Variants in CRYBG1 observed in about 807,000 individuals in gnomAD.
CRYBG1 encodes crystallin beta-gamma domain containing 1.
CRYBG1 carries 139 observed loss-of-function variants against 189.2 expected under a neutral mutation model. The observed-to-expected ratio is 0.73, with a 90% CI of 0.64 to 0.85. The LOEUF (loss-of-function observed/expected upper bound fraction) is 0.85. CRYBG1 is among the 40% of genes least tolerant of loss of function. The pLI is 0.00. For missense variants in CRYBG1, 2,611 were observed against 2,675.8 expected (o/e 0.98, Z 0.53); for synonymous variants, 1,023 against 1,017.1 (o/e 1.01, Z -0.11).
intron 10 of CRYBG1, 111 bp from the exon 11 acceptor site, chr6:106,543,329 C>A: frequency 8.7e-7 from 1 of 1,154,960 alleles, no homozygotes; most frequent in Non-Finnish European, 1.2e-6. Flanking sequence ...CGCGCCCAGT[C>A]AGAAAATTTT....
chr6:106,480,592 G>A (rs1287556247), intron 2 of CRYBG1, among the ~76,000 whole-genome samples: 2 of 151,864 alleles, frequency 1.3e-5, no homozygotes, highest in African/African-American at 2.4e-5. Context: ...ACTTGAACCC[G>A]GGAGGCGGAG....
chr6:106,388,166 C>T (rs1249231736), intron 1 of CRYBG1, among the ~76,000 whole-genome samples: 1 of 152,176 alleles, frequency 6.6e-6, no homozygotes, highest in Non-Finnish European at 1.5e-5. Flanking sequence ...GCTCCTGCTG[C>T]CACAATAGTA....
intron 2 of CRYBG1, among the ~76,000 whole-genome samples, chr6:106,511,040 GT>G (rs989121445): frequency 1.3e-5 from 2 of 152,172 alleles, no homozygotes; most frequent in African/African-American, 2.4e-5. Flanking sequence ...ACTTTAGTGT[GT>G]TTACTGCTGC....
intron 4 of CRYBG1, among the ~76,000 whole-genome samples, chr6:106,522,113 AGAT>A (rs1188107079): frequency 6.6e-6 from 1 of 152,220 alleles, no homozygotes; most frequent in East Asian, 1.9e-4. Flanking sequence ...GTTCAGAGAC[AGAT>A]GAGTTGCTTT....
At chr6:106,413,380 A>G (rs760013995) in intron 1 of CRYBG1, among the ~76,000 whole-genome samples, 1 of 152,096 alleles carries the variant, frequency 6.6e-6, no homozygotes, top group Non-Finnish European at 1.5e-5. Flanking sequence ...TGGGACAACA[A>G]AAGTGACAGA....
At chr6:106,510,443 C>T (rs2114520983) in intron 2 of CRYBG1, among the ~76,000 whole-genome samples, 1 of 152,354 alleles carries the variant, frequency 6.6e-6, no homozygotes, top group Non-Finnish European at 1.5e-5. Flanking sequence ...GCACTGGATG[C>T]TAGCCGTTTT....
At chr6:106,527,218 A>ATATT (rs1773759919) in intron 6 of CRYBG1, 87 bp from the exon 7 acceptor site, 1 of 1,112,048 alleles carries the variant, frequency 9.0e-7, no homozygotes, top group African/African-American at 1.6e-5. Context: ...ATATATATAT[A>ATATT]TAAAATGGCA....
Position 106,512,805 on chromosome 6 carries a change from C to T in CRYBG1, c.1688C>T (p.Ala563Val). ...ACTGCGGCCGAGAGCGGGGAGGAGG[C>T]GGCGCGGGCCATCCCCCGCGAGCTC... ...KGTAAESGEEAARAIPRELPV... is the reference protein window; with the variant it reads ...KGTAAESGEEVARAIPRELPV... The change falls in exon 3 of 22, where the codon GCG becomes GTG. Residue 563 changes from alanine to valine, a missense_variant. Transcript: ENST00000633556. 1.3e-6 allele frequency: 2 copies of T among 1,574,338 alleles called. No individual in the cohort carries two copies. Among genetic ancestry groups the T allele is most frequent in the Non-Finnish European group, 8.6e-7 (1 of 1,159,622 alleles).
intron 6 of CRYBG1, among the ~76,000 whole-genome samples, chr6:106,526,456 T>G (rs1444615958): frequency 6.6e-6 from 1 of 152,164 alleles, no homozygotes; most frequent in Non-Finnish European, 1.5e-5. Context: ...CTTCTTTTTC[T>G]TGAAAGCATA....
rs1006053203 is a variant in CRYBG1, at chr6:106,507,222, C to T, written c.313-4208C>T. On this transcript the variant is annotated intron_variant, in intron 2 of 21. Transcript: ENST00000633556. ...ATTAGCCAACAAGAACACTCTAAAG[C>T]AGGTCGTAGCACACAACCCATGTGC... Among the ~76,000 whole-genome samples the T allele has an allele frequency of 2.6e-5, 4 of 152,334 alleles. No individual in the cohort carries two copies. In the East Asian group the frequency reaches 7.7e-4, roughly 29 times the overall value.
intron 1 of CRYBG1, among the ~76,000 whole-genome samples, chr6:106,416,392 C>T (rs369266603): frequency 2.0e-5 from 3 of 152,214 alleles, no homozygotes; most frequent in Non-Finnish European, 4.4e-5. Context: ...TTCCCCCTAT[C>T]GGAGACGGGA....
Position 106,558,482 on chromosome 6 carries a change from A to G in CRYBG1, c.5716-4A>G. 6.3e-7 allele frequency: 1 copy of G among 1,580,818 alleles called. No individual in the cohort carries two copies. The highest frequency in any genetic ancestry group is 8.6e-7 in the Non-Finnish European group (1 of 1,159,354). On this transcript the variant is annotated splice_polypyrimidine_tract_variant and splice_region_variant and intron_variant, in intron 17 of 21. Coordinates refer to ENST00000633556, the MANE Select transcript of CRYBG1 (RefSeq NM_001371242.2). Reference sequence around the variant, plus strand: ...AACAGAACATTGTTTTTGTTCCTCAACAGGAATTTTCTGAACCAACAATTA... The same window carrying G: ...AACAGAACATTGTTTTTGTTCCTCAGCAGGAATTTTCTGAACCAACAATTA...
chr6:106,555,355 C>G (rs184941993), intron 16 of CRYBG1, among the ~76,000 whole-genome samples: 4 of 151,904 alleles, frequency 2.6e-5, no homozygotes, highest in Non-Finnish European at 4.4e-5. Context: ...GAGGAGTGTG[C>G]GAGAAATTTT....
At chr6:106,468,549 G>T (rs1486078890) in intron 2 of CRYBG1, among the ~76,000 whole-genome samples, 1 of 152,148 alleles carries the variant, frequency 6.6e-6, no homozygotes, top group Non-Finnish European at 1.5e-5. Context: ...AATTAGCCGG[G>T]CATGATGGCG....
chr6:106,560,824 CA>C lies in CRYBG1; in HGVS notation c.5878del (p.Ser1960ValfsTer26). 2 of 1,612,140 alleles carry C rather than the reference CA, an allele frequency of 1.2e-6. No homozygotes were observed. Among genetic ancestry groups the C allele is most frequent in the Non-Finnish European group, 1.7e-6 (2 of 1,179,344 alleles). Reference protein sequence around the residue: ...GGIWVTYEYGSYRGRQFLLSP... With the variant: ...GGIWVTYEYGXYRGRQFLLSP... ...TCAGATGGGTTACTTATGAATATGG[CA>C]GTTACAGAGGGCGACAGTTCCTATT... is the stretch of plus-strand genomic sequence containing the variant. On this transcript the variant is annotated frameshift_variant, in exon 19 of 22. Transcript: ENST00000633556. LOFTEE classifies it high-confidence loss of function.
chr6:106,455,295 ACT>A (rs1360419788), intron 2 of CRYBG1, among the ~76,000 whole-genome samples: 1 of 151,994 alleles, frequency 6.6e-6, no homozygotes, highest in African/African-American at 2.4e-5. Flanking sequence ...GAATTGGATA[ACT>A]CTTTGCATAT....
At chr6:106,491,615 TCA>T (rs1377957493) in intron 2 of CRYBG1, among the ~76,000 whole-genome samples, 4 of 152,244 alleles carry the variant, frequency 2.6e-5, no homozygotes, top group Admixed American at 1.3e-4. Context: ...TCTCTCTCTC[TCA>T]GTGTCTGCTT....
chr6:106,442,608 A>G (rs535450472), intron 1 of CRYBG1, among the ~76,000 whole-genome samples: 101 of 152,322 alleles, frequency 6.6e-4, no homozygotes, highest in Non-Finnish European at 9.4e-4. Flanking sequence ...TGAAACAGTC[A>G]TAAACAGCAA....
chr6:106,511,217 G>C (rs1773250985), intron 2 of CRYBG1, among the ~76,000 whole-genome samples: 1 of 152,186 alleles, frequency 6.6e-6, no homozygotes, highest in Non-Finnish European at 1.5e-5. Context: ...ATGCTATTCT[G>C]ACTACTGCCA....
Sources: allele counts gnomAD v4.1 joint callset (sites outside exome capture counted in the v4.1 genomes callset), GRCh38; gene constraint gnomAD v4.1.1; transcripts MANE v1.5; gene names NCBI Gene and HGNC (gene_info 2026-07-23, HGNC 2026-07-21).